The following FRMD4A variants were observed in gnomAD, a reference collection of about 807,000 sequenced individuals.
FRMD4A encodes the protein FERM domain-containing protein 4A.
Under a neutral mutation model 129.1 loss-of-function variants are expected in FRMD4A, and 29 were observed. That is an observed-to-expected ratio of 0.22 (90% CI 0.17 to 0.31). The LOEUF (loss-of-function observed/expected upper bound fraction) is 0.31, where lower values mean the gene tolerates loss of function less well. Among genes scored for constraint, FRMD4A ranks in the 10% least tolerant of loss-of-function variants. The probability of loss-of-function intolerance (pLI) is 1.00; values close to 1 mark genes in which losing one functional copy is unlikely to be tolerated. For missense variants in FRMD4A, 1,272 were observed against 1,375.8 expected, an observed-to-expected ratio of 0.92 and a Z score of 1.19; for synonymous variants, 634 against 571.6, an observed-to-expected ratio of 1.11 and a Z score of -1.56.
intron 2 of FRMD4A, among the ~76,000 whole-genome samples, chr10:13,865,795 A>C (rs2094359565): frequency 6.6e-6 from 1 of 152,140 alleles, no homozygotes; most frequent in Non-Finnish European, 1.5e-5. Context: ...CCCAGAAAAA[A>C]ACATGTGTTT....
intron 2 of FRMD4A, chr10:13,992,052 T>G (rs1461235233): frequency 6.6e-6 from 1 of 152,156 alleles, no homozygotes; most frequent in Non-Finnish European, 1.5e-5. Flanking sequence ...CGGAGTGGAA[T>G]ATATAAAAAG....
intron 15 of FRMD4A, among the ~76,000 whole-genome samples, chr10:13,681,561 T>A (rs1281517869): frequency 6.6e-6 from 1 of 151,920 alleles, no homozygotes; most frequent in Non-Finnish European, 1.5e-5. Context: ...TATATATGTA[T>A]GTATATATGT....
intron 2 of FRMD4A, among the ~76,000 whole-genome samples, chr10:13,968,150 C>T (rs903542476): frequency 1.3e-5 from 2 of 152,320 alleles, no homozygotes; most frequent in Middle Eastern, 3.4e-3. Context: ...TATCAAAAAC[C>T]TTTAGACCAT....
intron 2 of FRMD4A, among the ~76,000 whole-genome samples, chr10:14,192,113 C>A (rs1452810749): frequency 2.0e-5 from 3 of 152,174 alleles, no homozygotes; most frequent in Non-Finnish European, 2.9e-5. Flanking sequence ...TGGTTTTTAT[C>A]CCTGAAAGTC....
chr10:13,877,446 C>T (rs1396383864), intron 2 of FRMD4A, among the ~76,000 whole-genome samples: 5 of 152,198 alleles, frequency 3.3e-5, no homozygotes, highest in Non-Finnish European at 7.4e-5. Flanking sequence ...CAAGACACAT[C>T]TGAGAAACAG....
chr10:14,110,124 G>GT (rs796827047), intron 2 of FRMD4A, among the ~76,000 whole-genome samples: 361 of 15,680 alleles, frequency 0.023, 10 homozygotes, highest in African/African-American at 0.074. Context: ...GCGAGATGCT[G>GT]TAAAAAAAAA....
chr10:14,322,943 T>TGCAC (rs1843121065), intron 2 of FRMD4A, among the ~76,000 whole-genome samples: 1 of 152,236 alleles, frequency 6.6e-6, no homozygotes, highest in Non-Finnish European at 1.5e-5. Context: ...ATGTGTAAAA[T>TGCAC]GCACGCATTT....
chr10:13,935,446 CAAAAAAAAAAAAA>C (rs71388135), intron 2 of FRMD4A, among the ~76,000 whole-genome samples: 3 of 36,404 alleles, frequency 8.2e-5, no homozygotes, highest in African/African-American at 3.5e-4. Flanking sequence ...AACTCCATCT[CAAAAAAAAAAAAA>C]AAAAAAAAAA....
chr10:14,107,401 C>T (rs1454383847), intron 2 of FRMD4A, among the ~76,000 whole-genome samples: 1 of 152,100 alleles, frequency 6.6e-6, no homozygotes, highest in Non-Finnish European at 1.5e-5. Flanking sequence ...TAAATAGTTC[C>T]TCCCTGTGTG....
chr10:13,856,918 A>G (rs2094221510), intron 3 of FRMD4A, among the ~76,000 whole-genome samples: 1 of 152,210 alleles, frequency 6.6e-6, no homozygotes, highest in African/African-American at 2.4e-5. Context: ...AAAAGCATGT[A>G]AAATACACCA....
At chr10:13,700,820 CTTTTTTTTTTT>C (rs71503097) in intron 14 of FRMD4A, among the ~76,000 whole-genome samples, 4 of 44,710 alleles carry the variant, frequency 8.9e-5, no homozygotes, top group Admixed American at 8.9e-4. Context: ...AGGGTAGTTG[CTTTTTTTTTTT>C]TTTTTTTTTT....
intron 2 of FRMD4A, among the ~76,000 whole-genome samples, chr10:14,221,716 C>T (rs867502085): frequency 2.8e-5 from 1 of 35,480 alleles, no homozygotes; most frequent in Non-Finnish European, 5.9e-5. Context: ...CACAGTACCA[C>T]GCCGGGTAAT....
At chr10:13,851,043 C>T (rs753867754) in intron 3 of FRMD4A, among the ~76,000 whole-genome samples, 15 of 152,066 alleles carry the variant, frequency 9.9e-5, no homozygotes, top group Admixed American at 2.6e-4. Context: ...AGTGAAATCC[C>T]GTCTTTACAA....
At chr10:14,300,807 G>A (rs546920478) in intron 2 of FRMD4A, among the ~76,000 whole-genome samples, 1 of 152,274 alleles carries the variant, frequency 6.6e-6, no homozygotes, top group East Asian at 1.9e-4. Flanking sequence ...GAGGTGTTAT[G>A]CACTGAAGAA....
chr10:13,668,836 C>A (rs7093256), intron 17 of FRMD4A, among the ~76,000 whole-genome samples: 1 of 151,858 alleles, frequency 6.6e-6, no homozygotes, highest in Non-Finnish European at 1.5e-5. Context: ...TGGAAATACC[C>A]GACCTCAATC....
intron 2 of FRMD4A, among the ~76,000 whole-genome samples, chr10:13,889,228 C>T (rs2094664918): frequency 6.6e-6 from 1 of 152,232 alleles, no homozygotes; most frequent in South Asian, 2.1e-4. Context: ...TTCCATATCC[C>T]TTTCTTTCAC....
At chr10:14,252,950 T>C (rs908239391) in intron 2 of FRMD4A, among the ~76,000 whole-genome samples, 12 of 152,250 alleles carry the variant, frequency 7.9e-5, no homozygotes, top group African/African-American at 2.9e-4. Flanking sequence ...ATTTATTCTT[T>C]CTTCATTCAT....
intron 2 of FRMD4A, among the ~76,000 whole-genome samples, chr10:13,872,929 A>C (rs771800114): frequency 1.3e-5 from 2 of 152,118 alleles, no homozygotes; most frequent in Admixed American, 1.3e-4. Context: ...GACTCACAGC[A>C]CTTTGGGAGG....
chr10:13,702,328 T>G (rs2086910368), intron 13 of FRMD4A, among the ~76,000 whole-genome samples: 1 of 152,148 alleles, frequency 6.6e-6, no homozygotes, highest in Admixed American at 6.5e-5. Flanking sequence ...CCTCCCAAAG[T>G]GCTCGGATTA....
Sources: gnomAD v4.1 joint callset for allele counts (sites outside exome capture counted in the v4.1 genomes callset) on GRCh38, gnomAD v4.1.1 for gene constraint, MANE v1.5 for transcripts, NCBI Gene and HGNC (gene_info 2026-07-23, HGNC 2026-07-21) for gene names.